Variants in HIVEP3 observed in about 807,000 individuals in gnomAD.
The protein encoded by HIVEP3 is HIVEP zinc finger 3.
HIVEP3 carries 49 observed loss-of-function variants against 152.8 expected under a neutral mutation model. The observed-to-expected ratio is 0.32, with a 90% CI of 0.26 to 0.41. The LOEUF (loss-of-function observed/expected upper bound fraction) is 0.41. HIVEP3 is among the 10% of genes least tolerant of loss of function. The probability of loss-of-function intolerance (pLI) is 1.00; values close to 1 mark genes in which losing one functional copy is unlikely to be tolerated. For missense variants in HIVEP3, 2,790 were observed against 3,103.3 expected, an observed-to-expected ratio of 0.90 and a Z score of 2.40; for synonymous variants, 1,269 against 1,289.0, an observed-to-expected ratio of 0.98 and a Z score of 0.33.
chr1:41,668,867 G>A (rs1309164766), intron 2 of HIVEP3, among the ~76,000 whole-genome samples: 1 of 152,162 alleles, frequency 6.6e-6, no homozygotes, highest in Non-Finnish European at 1.5e-5. Context: ...CCCCTACTAG[G>A]TTAGGAGAGC....
intron 1 of HIVEP3, among the ~76,000 whole-genome samples, chr1:41,807,239 C>T (rs1159307425): frequency 2.0e-5 from 3 of 152,212 alleles, no homozygotes; most frequent in East Asian, 1.9e-4. Context: ...GGAGGGCCCC[C>T]ATGGTGTTAG....
At position 41,579,765 on chromosome 1, in the gene HIVEP3, G is replaced by A; in HGVS notation, c.5033C>T (p.Ser1678Phe). 6.3e-7 allele frequency: 1 copy of A among 1,593,250 alleles called. No individual in the cohort carries two copies. Among genetic ancestry groups the A allele is most frequent in the African/African-American group, 1.3e-5 (1 of 74,666 alleles). Reference sequence around the variant, plus strand: ...TGTCATGCGGGGCTTGCGGGAGCTGGATGGCACAAGCCTTCCTGCCTCAGG... The same window carrying A: ...TGTCATGCGGGGCTTGCGGGAGCTGAATGGCACAAGCCTTCCTGCCTCAGG... Reference protein sequence around the residue: ...PHPEAGRLVPSSSRKPRMTEV... With the variant: ...PHPEAGRLVPFSSRKPRMTEV... The change falls in exon 4 of 9, where the codon TCC becomes TTC. Residue 1678 changes from serine (S) to phenylalanine (F), a missense_variant. Transcript: ENST00000372583.
At chr1:41,872,413 C>T (rs1644098552) in intron 1 of HIVEP3, among the ~76,000 whole-genome samples, 1 of 152,180 alleles carries the variant, frequency 6.6e-6, no homozygotes, top group Non-Finnish European at 1.5e-5. Flanking sequence ...TTGTTACAGG[C>T]ACATACTCCT....
At chr1:41,810,919 T>A (rs916460588) in intron 1 of HIVEP3, among the ~76,000 whole-genome samples, 1 of 152,202 alleles carries the variant, frequency 6.6e-6, no homozygotes, top group Non-Finnish European at 1.5e-5. Flanking sequence ...GCCTTTGACA[T>A]CACCAAGTCC....
At chr1:41,952,548 T>C (rs1202593589) in intron 1 of HIVEP3, among the ~76,000 whole-genome samples, 2 of 152,202 alleles carry the variant, frequency 1.3e-5, no homozygotes, top group African/African-American at 4.8e-5. Flanking sequence ...CCCTTGACTT[T>C]CACCAAAGCC....
intron 3 of HIVEP3, among the ~76,000 whole-genome samples, chr1:41,614,287 C>T (rs982778554): frequency 1.3e-5 from 2 of 152,226 alleles, no homozygotes; most frequent in African/African-American, 4.8e-5. Flanking sequence ...TCAAGGGCCA[C>T]CAGCCCTGAG....
chr1:41,748,970 T>A (rs981537136), intron 1 of HIVEP3, among the ~76,000 whole-genome samples: 2 of 152,150 alleles, frequency 1.3e-5, no homozygotes, highest in African/African-American at 2.4e-5. Flanking sequence ...TCCGCAAGCA[T>A]CTGAGACAGG....
rs113573545 is a variant in HIVEP3 at position 41,700,323 on chromosome 1, G to A, written c.-721+593C>T. 6.5e-3 allele frequency among the ~76,000 whole-genome samples: 993 copies of A among 152,226 alleles called. 14 individuals are homozygous for A. The highest frequency in any genetic ancestry group is 0.023 in the African/African-American group (955 of 41,530). Reference sequence around the variant, plus strand: ...GTCATGAGAGGGCAGGCATGGGGCTGGTGATTGCATCTGAGTTTGACTTCC... The same window carrying A: ...GTCATGAGAGGGCAGGCATGGGGCTAGTGATTGCATCTGAGTTTGACTTCC... On this transcript the variant is annotated intron_variant, in intron 2 of 8. Transcript: ENST00000372583.
chr1:41,548,702 T>C (rs546531334), intron 5 of HIVEP3, among the ~76,000 whole-genome samples: 9 of 152,042 alleles, frequency 5.9e-5, no homozygotes, highest in African/African-American at 2.2e-4. Flanking sequence ...TGCTGGCCAA[T>C]TTTTTGTATT....
chr1:41,517,105 G>A (rs1342367149), intron 7 of HIVEP3, among the ~76,000 whole-genome samples: 1 of 152,230 alleles, frequency 6.6e-6, no homozygotes, highest in East Asian at 1.9e-4. Context: ...CCGAAAAGTG[G>A]CTCTGAGCAT....
chr1:41,638,097 C>A (rs776929439), intron 2 of HIVEP3, among the ~76,000 whole-genome samples: 1 of 152,076 alleles, frequency 6.6e-6, no homozygotes, highest in Non-Finnish European at 1.5e-5. Context: ...TCACTTACTG[C>A]ATACAATGTA....
intron 2 of HIVEP3, among the ~76,000 whole-genome samples, chr1:41,699,922 T>C (rs1240430027): frequency 6.6e-6 from 1 of 151,834 alleles, no homozygotes. Context: ...GTCCTGCCGC[T>C]CTCTTGGCCT....
chr1:41,587,027 A>G (rs997086151), intron 3 of HIVEP3, among the ~76,000 whole-genome samples: 3 of 152,106 alleles, frequency 2.0e-5, no homozygotes, highest in South Asian at 4.1e-4. Context: ...CTATATATTT[A>G]TATATGAGCT....
intron 1 of HIVEP3, among the ~76,000 whole-genome samples, chr1:41,971,150 G>A (rs1645226472): frequency 6.6e-6 from 1 of 152,178 alleles, no homozygotes; most frequent in Non-Finnish European, 1.5e-5. Flanking sequence ...GGGAAAAACT[G>A]CCACACCGCA....
intron 1 of HIVEP3, among the ~76,000 whole-genome samples, chr1:41,728,489 G>C (rs1044336313): frequency 1.1e-4 from 16 of 152,032 alleles, no homozygotes; most frequent in African/African-American, 3.9e-4. Context: ...AGTAAGGGGG[G>C]GTGAAATGTA....
chr1:41,865,782 CAAG>C (rs1316401042), intron 1 of HIVEP3, among the ~76,000 whole-genome samples: 13 of 152,160 alleles, frequency 8.5e-5, no homozygotes, highest in Admixed American at 7.2e-4. Context: ...ACAGCAATAG[CAAG>C]AAGGAGGACA....
intron 2 of HIVEP3, among the ~76,000 whole-genome samples, chr1:41,645,181 A>T (rs1010062676): frequency 3.9e-5 from 6 of 152,196 alleles, no homozygotes; most frequent in African/African-American, 1.2e-4. Context: ...AATCCAGGCC[A>T]GCAGAAGCTC....
chr1:42,021,887 G>T (rs1158328820), intron 1 of HIVEP3, among the ~76,000 whole-genome samples: 1 of 151,338 alleles, frequency 6.6e-6, no homozygotes, highest in African/African-American at 2.4e-5. Context: ...ATTCAAACTG[G>T]CATATGTACT....
chr1:41,649,265 C>T (rs545206461), intron 2 of HIVEP3, among the ~76,000 whole-genome samples: 2 of 152,348 alleles, frequency 1.3e-5, no homozygotes, highest in Admixed American at 1.3e-4. Context: ...TGAGGTAACA[C>T]ATGTGGAAAC....
Sources: allele counts gnomAD v4.1 joint callset (sites outside exome capture counted in the v4.1 genomes callset), GRCh38; gene constraint gnomAD v4.1.1; transcripts MANE v1.5; gene names NCBI Gene and HGNC (gene_info 2026-07-23, HGNC 2026-07-21).